The following RAET1G variants were observed in gnomAD, a reference collection of about 807,000 sequenced individuals.
The protein encoded by RAET1G is retinoic acid early transcript 1G.
RAET1G carries 25 observed loss-of-function variants against 29.5 expected under a neutral mutation model. The observed-to-expected ratio is 0.85, with a 90% confidence interval of 0.62 to 1.18. The LOEUF (loss-of-function observed/expected upper bound fraction) is 1.18. Among genes scored for constraint, RAET1G ranks in the 50% most tolerant of loss-of-function variants. The pLI is 0.00. For missense variants in RAET1G, 434 were observed against 423.6 expected (o/e 1.02, Z -0.22); for synonymous variants, 167 against 159.5 (o/e 1.05, Z -0.36).
Position 149,921,922 on chromosome 6 carries a change from A to C in RAET1G, c.85+1004T>G, listed in dbSNP as rs147142497. On this transcript the variant is annotated intron_variant, in intron 1 of 4. Coordinates refer to ENST00000367360, the MANE Select transcript of RAET1G (RefSeq NM_001001788.4). ...GTCCAAATCTGGTCCCCCCTATTTG[A>C]AGGTTGCCATTGCCTGCTGTTGCTC... Among the ~76,000 whole-genome samples the C allele has an allele frequency of 3.8e-3, 580 of 151,132 alleles. 3 individuals are homozygous for C. Among genetic ancestry groups the C allele is most frequent in the African/African-American group, 0.014 (560 of 40,474 alleles).
rs1778533606 is a variant in RAET1G, at chr6:149,919,215, T to C, written c.459A>G (p.Ser153=). ...GAACCGTTGTCCACATTCTGTTTTCTGAGTCAAAGAGGAGGAAGATCTGTC... is the reference window on the plus strand; with the variant it reads ...GAACCGTTGTCCACATTCTGTTTTCCGAGTCAAAGAGGAGGAAGATCTGTC... ...FDGQIFLLFD[S]ENRMWTTVHP... Residue 153 remains serine (S), a synonymous_variant, in exon 3 of 5, where the codon TCA becomes TCG. Coordinates refer to ENST00000367360, the MANE Select transcript of RAET1G (RefSeq NM_001001788.4). The C allele has an allele frequency of 1.2e-6, 2 of 1,614,122 alleles. No homozygotes were observed. The highest frequency in any genetic ancestry group is 2.2e-5 in the South Asian group (2 of 91,096).
At chr6:149,920,225 G>A (rs1341885034) in intron 1 of RAET1G, among the ~76,000 whole-genome samples, 5 of 152,140 alleles carry the variant, frequency 3.3e-5, no homozygotes, top group South Asian at 2.1e-4. Context: ...ATGGTGGGAC[G>A]GAGTGAGGAT....
Position 149,916,931 on chromosome 6 carries a change from A to G in RAET1G, c.986T>C (p.Leu329Pro), listed in dbSNP as rs1225600583. Residue 329 changes from leucine to proline, a missense_variant, in exon 5 of 5, where the codon CTA becomes CCA. Coordinates refer to ENST00000367360, the MANE Select transcript of RAET1G (RefSeq NM_001001788.4). ...GAACCATCAAGATATGGAGACCTGT[A>G]GTGGCTCCGAATACCTGGCTGCGCC... ...NNGAARYSEP[L>P]QVSIS 5 of 1,544,506 alleles carry G rather than the reference A, an allele frequency of 3.2e-6. No individual in the cohort carries two copies. The highest frequency in any genetic ancestry group is 2.5e-5 in the East Asian group (1 of 40,722).
At chr6:149,918,647 G>C (rs1023202703) in intron 3 of RAET1G, 3 of 606,520 alleles carry the variant, frequency 4.9e-6, no homozygotes, top group Non-Finnish European at 8.8e-6. Flanking sequence ...TGATGCTCCA[G>C]GGTGCGGGAG....
Position 149,922,953 on chromosome 6 carries a change from A to T in RAET1G, c.58T>A (p.Ser20Thr). Reference sequence around the variant, plus strand: ...GCCAGCCCGGTCCTGCACCAGCTGGACAGCAGGAGCAGAAGCGGGAGGCGT... The same window carrying T: ...GCCAGCCCGGTCCTGCACCAGCTGGTCAGCAGGAGCAGAAGCGGGAGGCGT... Reference protein sequence around the residue: ...LLRLPLLLLLSSWCRTGLADP... With the variant: ...LLRLPLLLLLTSWCRTGLADP... The change falls in exon 1 of 5, where the codon TCC (serine) becomes ACC (threonine). Residue 20 changes from serine (S) to threonine (T), a missense_variant. By Grantham distance (58) the Ser-to-Thr change is moderately conservative (BLOSUM62 1). Coordinates refer to ENST00000367360, the MANE Select transcript of RAET1G (RefSeq NM_001001788.4). 1 of 1,604,002 alleles carries T rather than the reference A, an allele frequency of 6.2e-7. No individual in the cohort carries two copies. Among genetic ancestry groups the T allele is most frequent in the Non-Finnish European group, 8.5e-7 (1 of 1,176,128 alleles).
intron 1 of RAET1G, among the ~76,000 whole-genome samples, chr6:149,920,754 GAGACC>G (rs1383412390): frequency 6.6e-6 from 1 of 152,196 alleles, no homozygotes; most frequent in Non-Finnish European, 1.5e-5. Context: ...ATGCCAGCTG[GAGACC>G]TCAGTCATAC....
In RAET1G at chr6:149,919,579, A is replaced by G. The variant is rs760987310; in HGVS notation, c.323T>C (p.Ile108Thr). 1.2e-6 allele frequency: 2 copies of G among 1,614,014 alleles called. No individual in the cohort carries two copies. The highest frequency in any genetic ancestry group is 1.7e-6 in the Non-Finnish European group (2 of 1,179,878). The change falls in exon 2 of 5, where the codon ATT becomes ACT. Residue 108 changes from isoleucine (I) to threonine (T), a missense_variant. Ile to Thr is a moderately conservative substitution (Grantham distance 89, BLOSUM62 -1). Transcript: ENST00000367360. ...VDILTEQLLD[I>T]QLENYIPKEP... The stretch of plus-strand genomic sequence containing the variant: ...CTTGGGTATGTAATTCTCCAGCTGA[A>G]TGTCAAGCAGTTGCTCTGTAAGTAT...
At chr6:149,922,605 G>T (rs1011970647) in intron 1 of RAET1G, among the ~76,000 whole-genome samples, 4 of 152,122 alleles carry the variant, frequency 2.6e-5, no homozygotes, top group Non-Finnish European at 4.4e-5. Flanking sequence ...TGGGGGCTCT[G>T]GTTTCTCCTT....
At chr6:149,921,660 G>A (rs116456830) in intron 1 of RAET1G, among the ~76,000 whole-genome samples, 1 of 152,134 alleles carries the variant, frequency 6.6e-6, no homozygotes, top group Non-Finnish European at 1.5e-5. Context: ...GGTCACTGAT[G>A]GCCCCCGTGG....
chr6:149,918,089 G>C, intron 4 of RAET1G, 85 bp downstream of exon 4: 1 of 1,180,578 alleles, frequency 8.5e-7, no homozygotes, highest in East Asian at 2.5e-5. Context: ...CCAGCCATAG[G>C]GAGTGGGACT....
At chr6:149,918,577 G>A (rs1778509285) in intron 3 of RAET1G, 193 bp from the exon 4 acceptor site, 1 of 681,916 alleles carries the variant, frequency 1.5e-6, no homozygotes, top group Admixed American at 2.7e-5. Context: ...AGCTCACAGA[G>A]CTGCTGAGGG....
chr6:149,922,023 T>C (rs1042231239), intron 1 of RAET1G, among the ~76,000 whole-genome samples: 2 of 152,156 alleles, frequency 1.3e-5, no homozygotes, highest in African/African-American at 4.8e-5. Context: ...TTCCTCCCTT[T>C]CTAGAAAGGG....
In RAET1G at chr6:149,918,327, A is replaced by T; in HGVS notation, c.689T>A (p.Ile230Asn). The T allele has an allele frequency of 6.2e-7, 1 of 1,613,380 alleles. No homozygotes were observed. The highest frequency in any genetic ancestry group is 8.5e-7 in the Non-Finnish European group (1 of 1,179,600). ...AQPRATATTL[I>N]LCCLLIMCLL... Reference sequence around the variant, plus strand: ...ACACATGATGAGGAGGCAGCAAAGGATGAGGGTGGTGGCCGTGGCCCTGGG... The same window carrying T: ...ACACATGATGAGGAGGCAGCAAAGGTTGAGGGTGGTGGCCGTGGCCCTGGG... Residue 230 changes from isoleucine (I) to asparagine (N), a missense_variant, in exon 4 of 5, where the codon ATC becomes AAC. By Grantham distance (149) the Ile-to-Asn change is moderately radical. Transcript: ENST00000367360.
chr6:149,918,777 G>C, intron 3 of RAET1G: 1 of 609,360 alleles, frequency 1.6e-6, no homozygotes, highest in Non-Finnish European at 2.9e-6. Flanking sequence ...TGAAAATAGT[G>C]ACACCTGCAG....
Position 149,919,557 on chromosome 6 carries a change from G to T in RAET1G, c.345C>A (p.Pro115=). 1 of 1,613,978 alleles carries T rather than the reference G, an allele frequency of 6.2e-7. No homozygotes were observed. The change falls in exon 2 of 5, where the codon CCC becomes CCA. Residue 115 remains proline (P), a synonymous_variant. Coordinates refer to ENST00000367360, the MANE Select transcript of RAET1G (RefSeq NM_001001788.4). ...LLDIQLENYI[P]KEPLTLQARM... is the part of the protein sequence containing the mutation. ...CCTGGGCCATCTGAAACTTACCCTT[G>T]GGTATGTAATTCTCCAGCTGAATGT...
Position 149,919,652 on chromosome 6 carries a change from T to C in RAET1G, c.250A>G (p.Thr84Ala), listed in dbSNP as rs1210549550. The change falls in exon 2 of 5, where the codon ACA becomes GCA. Residue 84 changes from threonine (T) to alanine (A), a missense_variant. Physicochemically the swap from Thr to Ala is moderately conservative, Grantham distance 58 (BLOSUM62 0). Coordinates refer to ENST00000367360, the MANE Select transcript of RAET1G (RefSeq NM_001001788.4). The stretch of plus-strand genomic sequence containing the variant: ...GGGTTCTGTGCTTTCCAGGCCGTTG[T>C]GACATTTAGTTTCTTCCCCAGGGGA... ...VSPLGKKLNV[T>A]TAWKAQNPVL... 6 of 1,614,034 alleles carry C rather than the reference T, an allele frequency of 3.7e-6. No homozygotes were observed. The highest frequency in any genetic ancestry group is 5.1e-6 in the Non-Finnish European group (6 of 1,179,880).
rs139915799 is a variant in RAET1G at position 149,922,220 on chromosome 6, G to A, written c.85+706C>T. 3.8e-3 allele frequency among the ~76,000 whole-genome samples: 576 copies of A among 152,298 alleles called. 3 individuals are homozygous for A. Among genetic ancestry groups the A allele is most frequent in the African/African-American group, 0.013 (559 of 41,560 alleles). On this transcript the variant is annotated intron_variant, in intron 1 of 4. Transcript: ENST00000367360. ...AGGTTCTGTGGGGAGCTTGGGGTGT[G>A]TTTGCTGGGGTGTGTCCTCAGGCAA...
At chr6:149,918,083 C>A (rs1473017917) in intron 4 of RAET1G, 91 bp downstream of exon 4, 33 of 1,130,406 alleles carry the variant, frequency 2.9e-5, no homozygotes, top group Non-Finnish European at 3.9e-5. Context: ...AAGGTCCCAG[C>A]CATAGGGAGT....
In RAET1G at chr6:149,922,910, C is replaced by G. The variant is rs1466145422; in HGVS notation, c.85+16G>C. The G allele has an allele frequency of 3.8e-6, 6 of 1,573,486 alleles. No individual in the cohort carries two copies. In the Admixed American group the frequency reaches 1.1e-4, roughly 29 times the overall value. On this transcript the variant is annotated intron_variant, in intron 1 of 4. Coordinates refer to ENST00000367360, the MANE Select transcript of RAET1G (RefSeq NM_001001788.4). ...GGTTGGCCTCCGCCCCGCTTAGGCT[C>G]CATCCCCGAACTCACCGGCCAGCCC...
Sources: gnomAD v4.1 joint callset for allele counts (sites outside exome capture counted in the v4.1 genomes callset) on GRCh38, gnomAD v4.1.1 for gene constraint, MANE v1.5 for transcripts, NCBI Gene and HGNC (gene_info 2026-07-23, HGNC 2026-07-21) for gene names.